CDH13: variants seen among roughly 807,000 people sequenced by gnomAD.
CDH13 encodes the protein cadherin-13.
Under a neutral mutation model 63.8 loss-of-function variants are expected in CDH13, and 24 were observed. That is an observed-to-expected ratio of 0.38 (90% confidence interval 0.27 to 0.53). CDH13 has a LOEUF of 0.53. CDH13 is among the 20% of genes least tolerant of loss of function. The pLI, the probability that CDH13 is intolerant of heterozygous loss-of-function variation, is 0.85. For missense variants in CDH13, 1,049 were observed against 903.1 expected (o/e 1.16, Z -2.07); for synonymous variants, 503 against 355.3 (o/e 1.42, Z -4.67).
rs533128714 is a variant in CDH13 at position 83,083,672 on chromosome 16, C to G, written c.367-41713C>G. On this transcript the variant is annotated intron_variant, in intron 3 of 13. Transcript: ENST00000567109. ...CAACTCGCAGAGAAACTCGATAGAA[C>G]TATAGTTGGAAGTGTCTTTTCAATA... is the stretch of plus-strand genomic sequence containing the variant. Among the ~76,000 whole-genome samples the G allele has an allele frequency of 3.3e-5, 5 of 152,250 alleles. No individual in the cohort carries two copies. In the South Asian group the frequency reaches 8.3e-4, roughly 25 times the overall value.
chr16:83,050,731 G>A lies in CDH13; in HGVS notation c.366+18513G>A, dbSNP rs201478552. 8.5e-5 allele frequency among the ~76,000 whole-genome samples: 13 copies of A among 152,094 alleles called. No homozygotes were observed. The South Asian group carries it at 1.5e-3, about 17-fold the overall frequency. ...CACCCGTACATTTCACTTGCCTCTC[G>A]GGGTTAACTGTGTGTTTCTGAACGC... On this transcript the variant is annotated intron_variant, in intron 3 of 13. Coordinates refer to ENST00000567109, the MANE Select transcript of CDH13 (RefSeq NM_001257.5).
intron 8 of CDH13, among the ~76,000 whole-genome samples, chr16:83,667,307 G>C (rs1433682113): frequency 6.6e-6 from 1 of 152,162 alleles, no homozygotes; most frequent in Non-Finnish European, 1.5e-5. Flanking sequence ...AGGTGCTGCA[G>C]ACATAAAACT....
chr16:82,840,701 A>C (rs963477819), intron 1 of CDH13, among the ~76,000 whole-genome samples: 16 of 151,798 alleles, frequency 1.1e-4, no homozygotes, highest in Non-Finnish European at 2.4e-4. Context: ...AAAAAAAAAA[A>C]AGAAAAAAAC....
At chr16:83,665,959 A>T (rs960383631) in intron 8 of CDH13, among the ~76,000 whole-genome samples, 9 of 152,264 alleles carry the variant, frequency 5.9e-5, no homozygotes, top group African/African-American at 2.2e-4. Context: ...AGTCAAAGAA[A>T]AGAAAATAAT....
intron 5 of CDH13, among the ~76,000 whole-genome samples, chr16:83,324,429 C>G (rs991793229): frequency 6.6e-6 from 1 of 152,214 alleles, no homozygotes; most frequent in African/African-American, 2.4e-5. Flanking sequence ...TATCTCTAAA[C>G]AACCACCAGT....
chr16:83,515,977 G>A (rs1455624132), intron 7 of CDH13, among the ~76,000 whole-genome samples: 2 of 152,118 alleles, frequency 1.3e-5, no homozygotes, highest in African/African-American at 4.8e-5. Flanking sequence ...CATGTTCTTT[G>A]TATTAGCTGA....
intron 7 of CDH13, among the ~76,000 whole-genome samples, chr16:83,578,657 G>A (rs1260799978): frequency 2.0e-5 from 3 of 152,164 alleles, no homozygotes; most frequent in Non-Finnish European, 2.9e-5. Flanking sequence ...GCCCAGCAGT[G>A]CCCTTGCTGT....
At chr16:83,529,133 C>T (rs1279928003) in intron 7 of CDH13, among the ~76,000 whole-genome samples, 1 of 147,942 alleles carries the variant, frequency 6.8e-6, no homozygotes, top group African/African-American at 2.5e-5. Context: ...TCTAGGCGAG[C>T]TTGCTTCTTC....
intron 10 of CDH13, among the ~76,000 whole-genome samples, chr16:83,690,015 A>G (rs1278773575): frequency 6.6e-6 from 1 of 152,124 alleles, no homozygotes; most frequent in African/African-American, 2.4e-5. Context: ...GTGAAACCCC[A>G]TCTCTACTAA....
chr16:82,724,813 C>T (rs988918735), intron 1 of CDH13, among the ~76,000 whole-genome samples: 1 of 152,136 alleles, frequency 6.6e-6, no homozygotes, highest in Admixed American at 6.6e-5. Context: ...GGGACAAGAG[C>T]AGGGATGATT....
intron 7 of CDH13, among the ~76,000 whole-genome samples, chr16:83,523,971 C>G (rs1037535143): frequency 6.6e-6 from 1 of 152,126 alleles, no homozygotes; most frequent in African/African-American, 2.4e-5. Context: ...ACCAAAGTCC[C>G]CAGGAGTATT....
intron 5 of CDH13, among the ~76,000 whole-genome samples, chr16:83,235,486 G>A (rs779356302): frequency 2.6e-5 from 4 of 152,058 alleles, no homozygotes; most frequent in Admixed American, 6.6e-5. Context: ...TGCCTAGCCG[G>A]GCCCCACTCC....
At chr16:82,893,001 T>C (rs1294954478) in intron 2 of CDH13, among the ~76,000 whole-genome samples, 1 of 152,266 alleles carries the variant, frequency 6.6e-6, no homozygotes. Context: ...TATATACTTG[T>C]TTGACCATTA....
chr16:82,970,911 A>G (rs16958976), intron 2 of CDH13, among the ~76,000 whole-genome samples: 16,372 of 152,270 alleles, frequency 0.11, 937 homozygotes, highest in African/African-American at 0.15. Context: ...TTCAGTACTT[A>G]CTCAGAGTGC....
intron 8 of CDH13, among the ~76,000 whole-genome samples, chr16:83,652,418 G>A (rs1041304077): frequency 6.6e-6 from 1 of 152,154 alleles, no homozygotes; most frequent in African/African-American, 2.4e-5. Context: ...GTTAGAGACG[G>A]CTGTGAGTGC....
At chr16:82,692,957 G>C (rs868450160) in intron 1 of CDH13, among the ~76,000 whole-genome samples, 1 of 152,144 alleles carries the variant, frequency 6.6e-6, no homozygotes, top group Non-Finnish European at 1.5e-5. Flanking sequence ...GGTGTCTTCT[G>C]TGATCGTTTT....
intron 1 of CDH13, among the ~76,000 whole-genome samples, chr16:82,745,248 G>C (rs958846160): frequency 2.6e-5 from 4 of 152,102 alleles, no homozygotes; most frequent in South Asian, 2.1e-4. Flanking sequence ...TTGCTTTATG[G>C]GGTTTTAGGA....
intron 8 of CDH13, among the ~76,000 whole-genome samples, chr16:83,626,454 T>C (rs1490723631): frequency 6.6e-6 from 1 of 152,150 alleles, no homozygotes; most frequent in African/African-American, 2.4e-5. Flanking sequence ...AAGCACGTGC[T>C]ATGAGCCAGG....
At chr16:83,659,539 T>G (rs1258972717) in intron 8 of CDH13, among the ~76,000 whole-genome samples, 1 of 152,232 alleles carries the variant, frequency 6.6e-6, no homozygotes, top group African/African-American at 2.4e-5. Flanking sequence ...GGCTGTTCAT[T>G]AGAATCACAG....
Sources: allele counts gnomAD v4.1 joint callset (sites outside exome capture counted in the v4.1 genomes callset), GRCh38; gene constraint gnomAD v4.1.1; transcripts MANE v1.5; gene names NCBI Gene and HGNC (gene_info 2026-07-23, HGNC 2026-07-21).